Variants in SBNO1 observed in about 807,000 individuals in gnomAD.
SBNO1 encodes strawberry notch homolog 1.
SBNO1 carries 23 observed loss-of-function variants against 173.6 expected under a neutral mutation model. The observed-to-expected ratio is 0.13, with a 90% CI of 0.10 to 0.19. SBNO1 has a LOEUF of 0.19. SBNO1 is among the 10% of genes least tolerant of loss of function. SBNO1 has a pLI of 1.00. For missense variants in SBNO1, 1,238 were observed against 1,671.2 expected (o/e 0.74, Z 4.52); for synonymous variants, 632 against 571.5 (o/e 1.11, Z -1.51).
chr12:123,343,081 A>AAAATAGCC (rs1463389720), intron 4 of SBNO1, among the ~76,000 whole-genome samples: 1 of 152,100 alleles, frequency 6.6e-6, no homozygotes, highest in Non-Finnish European at 1.5e-5. Context: ...GTCTCTACTA[A>AAAATAGCC]AAATAGCCAG....
intron 20 of SBNO1, among the ~76,000 whole-genome samples, chr12:123,318,458 C>G (rs1869556827): frequency 6.6e-6 from 1 of 151,938 alleles, no homozygotes; most frequent in Admixed American, 6.6e-5. Context: ...TCTGGGCCAG[C>G]ACAGTAGCTC....
chr12:123,330,932 C>A (rs745486797), intron 8 of SBNO1, among the ~76,000 whole-genome samples: 1 of 152,070 alleles, frequency 6.6e-6, no homozygotes, highest in Non-Finnish European at 1.5e-5. Flanking sequence ...ATGGGGAAGG[C>A]GGATCCCATC....
At chr12:123,336,346 A>T in intron 6 of SBNO1, 49 bp downstream of exon 6, 2 of 1,159,014 alleles carry the variant, frequency 1.7e-6, no homozygotes, top group Admixed American at 4.4e-5. Flanking sequence ...AACCAAAGAA[A>T]CCACAGGAAA....
Position 123,323,719 on chromosome 12 carries a change from C to A in SBNO1, c.2086G>T (p.Asp696Tyr), listed in dbSNP as rs575915307. The stretch of plus-strand genomic sequence containing the variant: ...ATTTTATTTTCTTTACAAGGACTAT[C>A]TCTTGGCGAACTGTTGTTACTTGGA... ...TAPSNNSSPR[D>Y]SPCKENKIKK... The change falls in exon 16 of 32, where the codon GAT becomes TAT. Residue 696 changes from aspartate to tyrosine, a missense_variant. By Grantham distance (160) the Asp-to-Tyr change is radical. Coordinates refer to ENST00000602398, the MANE Select transcript of SBNO1 (RefSeq NM_001167856.3). 6.2e-7 allele frequency: 1 copy of A among 1,612,142 alleles called. No homozygotes were observed. The highest frequency in any genetic ancestry group is 8.5e-7 in the Non-Finnish European group (1 of 1,179,404).
chr12:123,358,566 C>T (rs553854927), intron 1 of SBNO1, among the ~76,000 whole-genome samples: 6 of 151,708 alleles, frequency 4.0e-5, no homozygotes, highest in Admixed American at 4.0e-4. Flanking sequence ...ACAGTGAAAC[C>T]CCGTCTCTAC....
Position 123,362,765 on chromosome 12 carries a change from C to T in SBNO1, c.-1+1936G>A, listed in dbSNP as rs191385092. On this transcript the variant is annotated intron_variant, in intron 1 of 31. Coordinates refer to ENST00000602398, the MANE Select transcript of SBNO1 (RefSeq NM_001167856.3). ...GCCTGGGCAACACAGCAAGACTCCG[C>T]CTCAAAAAAAAAAAAAAAAAAAAAA... Among the ~76,000 whole-genome samples the T allele has an allele frequency of 2.4e-3, 177 of 74,340 alleles. 1 individual carries two copies. Among genetic ancestry groups the T allele is most frequent in the African/African-American group, 8.8e-3 (167 of 18,914 alleles). The allele number at this position is 74,340 out of a possible 152,430, so 48.8% of individuals were successfully genotyped here. A position where few individuals can be genotyped will look rare whatever the true frequency, so the allele number is the denominator to read the frequency against.
intron 1 of SBNO1, among the ~76,000 whole-genome samples, chr12:123,362,296 C>T (rs569388112): frequency 1.1e-4 from 17 of 151,488 alleles, no homozygotes; most frequent in Middle Eastern, 6.8e-3. Flanking sequence ...ATTAGCCGGG[C>T]GTGGCAGCGG....
chr12:123,320,930 A>G, intron 17 of SBNO1, 64 bp from the exon 18 acceptor site: 2 of 1,274,406 alleles, frequency 1.6e-6, no homozygotes, highest in African/African-American at 1.5e-5. Context: ...TCTTCAAAGG[A>G]AACAACCTTT....
At chr12:123,323,143 T>C (rs764912389) in intron 16 of SBNO1, among the ~76,000 whole-genome samples, 14 of 152,332 alleles carry the variant, frequency 9.2e-5, no homozygotes, top group East Asian at 1.9e-4. Context: ...AGAATGTATA[T>C]AGCCAAGTGC....
rs1238941574 is a variant in SBNO1 at position 123,294,666 on chromosome 12, A to G, written c.*1242T>C. ...AAAAAAAAAAAAAAAAAAAAAGAAA[A>G]AAAGAAAAGAAAGAAAAAGAAAGAA... is the stretch of plus-strand genomic sequence containing the variant. On this transcript the variant is annotated 3_prime_UTR_variant, in exon 32 of 32. Coordinates refer to ENST00000602398, the MANE Select transcript of SBNO1 (RefSeq NM_001167856.3). 6.1e-6 allele frequency: 1 copy of G among 162,920 alleles called. No individual in the cohort carries two copies. The highest frequency in any genetic ancestry group is 2.7e-5 in the African/African-American group (1 of 37,022). 10.1% of individuals were successfully genotyped at this position (162,920 alleles called of 1,614,324 possible).
intron 1 of SBNO1, among the ~76,000 whole-genome samples, chr12:123,354,699 T>A (rs984465527): frequency 1.3e-5 from 2 of 152,164 alleles, no homozygotes; most frequent in Non-Finnish European, 2.9e-5. Context: ...AAAAACATTT[T>A]CACTTTTAAG....
At chr12:123,322,130 T>C (rs527400228) in intron 16 of SBNO1, among the ~76,000 whole-genome samples, 9 of 152,266 alleles carry the variant, frequency 5.9e-5, no homozygotes, top group Middle Eastern at 6.8e-3. Context: ...AGAAAATCAA[T>C]TTATAAAACC....
chr12:123,320,870 A>C lies in SBNO1; in HGVS notation c.2324-4T>G. The stretch of plus-strand genomic sequence containing the variant: ...TCTTTTCTAATTAACCAGGGATCTG[A>C]GTGTTAAGGAAAGATACATGTCAAA... On this transcript the variant is annotated splice_region_variant and splice_polypyrimidine_tract_variant and intron_variant, in intron 17 of 31. Coordinates refer to ENST00000602398, the MANE Select transcript of SBNO1 (RefSeq NM_001167856.3). 6.4e-7 allele frequency: 1 copy of C among 1,558,472 alleles called. No homozygotes were observed. The highest frequency in any genetic ancestry group is 8.7e-7 in the Non-Finnish European group (1 of 1,152,298).
At chr12:123,308,194 T>C (rs1313120775) in intron 28 of SBNO1, among the ~76,000 whole-genome samples, 1 of 151,960 alleles carries the variant, frequency 6.6e-6, no homozygotes, top group African/African-American at 2.4e-5. Context: ...AATATCTACA[T>C]ACTGTTGAGT....
chr12:123,298,252 T>C, intron 30 of SBNO1, 81 bp from the exon 31 acceptor site: 2 of 1,334,532 alleles, frequency 1.5e-6, no homozygotes, highest in Non-Finnish European at 2.1e-6. Flanking sequence ...CAAGGTCAAC[T>C]CAAATTTCTT....
intron 1 of SBNO1, chr12:123,364,269 G>A (rs1322791818): frequency 1.0e-6 from 1 of 985,582 alleles, no homozygotes. Context: ...GCACGAAAGA[G>A]GACTTGGGAA....
chr12:123,319,793 T>A lies in SBNO1; in HGVS notation c.2799+107A>T. ...ATTACTAAAAAATACAGAATGACAA[T>A]ACTCAATGGACATGACTTATATTAA... On this transcript the variant is annotated intron_variant, in intron 20 of 31. Transcript: ENST00000602398. The A allele has an allele frequency of 3.3e-6, 3 of 905,534 alleles. No homozygotes were observed. The South Asian group carries it at 4.9e-5, about 15-fold the overall frequency. 56.1% of individuals were successfully genotyped at this position (905,534 alleles called of 1,614,324 possible).
chr12:123,343,811 C>T (rs1379499572), intron 4 of SBNO1, among the ~76,000 whole-genome samples: 1 of 152,178 alleles, frequency 6.6e-6, no homozygotes, highest in African/African-American at 2.4e-5. Flanking sequence ...GCTGGGATTA[C>T]AGGCATGAGC....
At chr12:123,311,755 C>T (rs938219057) in intron 24 of SBNO1, among the ~76,000 whole-genome samples, 2 of 130,028 alleles carry the variant, frequency 1.5e-5, no homozygotes, top group African/African-American at 6.6e-5. Flanking sequence ...TATATTTTTG[C>T]GACAGAGTCT....
Sources: allele counts gnomAD v4.1 joint callset (sites outside exome capture counted in the v4.1 genomes callset), GRCh38; gene constraint gnomAD v4.1.1; transcripts MANE v1.5; gene names NCBI Gene and HGNC (gene_info 2026-07-23, HGNC 2026-07-21).